The following SSBP2 variants were observed in gnomAD, a reference collection of about 807,000 sequenced individuals.
SSBP2 encodes single-stranded DNA-binding protein 2.
Under a neutral mutation model 61.8 loss-of-function variants are expected in SSBP2, and 17 were observed. The ratio of observed to expected loss-of-function variants is 0.28; its 90% CI spans 0.19 to 0.41. The LOEUF (loss-of-function observed/expected upper bound fraction) is 0.41. Among genes scored for constraint, SSBP2 ranks in the 10% least tolerant of loss-of-function variants. SSBP2 has a pLI of 1.00. For missense variants in SSBP2, 310 were observed against 458.7 expected (o/e 0.68, Z 2.96); for synonymous variants, 139 against 141.3 (o/e 0.98, Z 0.12).
intron 4 of SSBP2, among the ~76,000 whole-genome samples, chr5:81,593,088 T>C (rs770672651): frequency 3.3e-5 from 5 of 151,892 alleles, no homozygotes; most frequent in African/African-American, 1.2e-4. Context: ...AGTTAAAAGC[T>C]TTGAAAAAAA....
At chr5:81,679,507 G>C (rs1425414793) in intron 1 of SSBP2, among the ~76,000 whole-genome samples, 1 of 152,168 alleles carries the variant, frequency 6.6e-6, no homozygotes, top group Non-Finnish European at 1.5e-5. Context: ...TAGTGGTATA[G>C]TGTTATTTGA....
chr5:81,724,917 G>A (rs773193968), intron 1 of SSBP2, among the ~76,000 whole-genome samples: 18 of 152,102 alleles, frequency 1.2e-4, no homozygotes, highest in Non-Finnish European at 2.2e-4. Flanking sequence ...CTCCTATTGA[G>A]TAGGCAAAAT....
intron 6 of SSBP2, among the ~76,000 whole-genome samples, chr5:81,475,611 GTTT>G (rs201081304): frequency 4.0e-5 from 6 of 151,526 alleles, no homozygotes; most frequent in Non-Finnish European, 7.4e-5. Flanking sequence ...ACTTCTTTCA[GTTT>G]TTTTTCCTAT....
chr5:81,583,779 TCAAA>T (rs1305217642), intron 4 of SSBP2, among the ~76,000 whole-genome samples: 2 of 152,182 alleles, frequency 1.3e-5, no homozygotes, highest in African/African-American at 4.8e-5. Flanking sequence ...TTCTTCGCTT[TCAAA>T]CAGAGATGAA....
intron 1 of SSBP2, among the ~76,000 whole-genome samples, chr5:81,654,301 A>G (rs964265425): frequency 6.6e-6 from 1 of 152,130 alleles, no homozygotes; most frequent in Non-Finnish European, 1.5e-5. Flanking sequence ...TCTTAAATTG[A>G]CCACGTCCAA....
chr5:81,564,514 C>A (rs1773284087), intron 4 of SSBP2, among the ~76,000 whole-genome samples: 1 of 152,176 alleles, frequency 6.6e-6, no homozygotes, highest in Non-Finnish European at 1.5e-5. Flanking sequence ...TTCAGAAGAA[C>A]TTTCTCCCAG....
At chr5:81,700,808 C>A (rs1753930806) in intron 1 of SSBP2, among the ~76,000 whole-genome samples, 1 of 152,234 alleles carries the variant, frequency 6.6e-6, no homozygotes, top group South Asian at 2.1e-4. Context: ...TTTTCTTCTG[C>A]AACTTCCTTG....
intron 4 of SSBP2, among the ~76,000 whole-genome samples, chr5:81,575,727 C>A (rs1774166358): frequency 6.6e-6 from 1 of 151,976 alleles, no homozygotes; most frequent in Non-Finnish European, 1.5e-5. Flanking sequence ...GATTATCAGA[C>A]TAGATAAAGC....
intron 1 of SSBP2, among the ~76,000 whole-genome samples, chr5:81,685,186 T>G (rs1461961311): frequency 1.3e-5 from 2 of 152,152 alleles, no homozygotes; most frequent in African/African-American, 4.8e-5. Flanking sequence ...TGCTTCCTGT[T>G]AAGTCTGCAG....
chr5:81,534,175 C>A (rs1037584465), intron 4 of SSBP2, among the ~76,000 whole-genome samples: 2 of 152,084 alleles, frequency 1.3e-5, no homozygotes, highest in African/African-American at 4.8e-5. Context: ...TCCACAGGCA[C>A]AGGCTCACTA....
chr5:81,720,764 C>T (rs139195841), intron 1 of SSBP2, among the ~76,000 whole-genome samples: 89 of 152,202 alleles, frequency 5.8e-4, no homozygotes, highest in African/African-American at 2.0e-3. Flanking sequence ...TGACATCATA[C>T]GGAACAGTAG....
intron 4 of SSBP2, among the ~76,000 whole-genome samples, chr5:81,611,042 G>C (rs928095552): frequency 6.6e-6 from 1 of 152,146 alleles, no homozygotes; most frequent in Non-Finnish European, 1.5e-5. Flanking sequence ...AGTCTTGTGA[G>C]CACAAAATAG....
intron 8 of SSBP2, among the ~76,000 whole-genome samples, chr5:81,472,406 G>A (rs976584185): frequency 5.9e-5 from 9 of 152,040 alleles, no homozygotes; most frequent in Non-Finnish European, 1.3e-4. Context: ...AACATCTGAT[G>A]TATACTGATA....
chr5:81,432,574 T>C (rs1044685966), intron 15 of SSBP2, among the ~76,000 whole-genome samples: 5 of 151,320 alleles, frequency 3.3e-5, no homozygotes, highest in East Asian at 1.9e-4. Context: ...GTGAAACCCC[T>C]GTCTCTACTA....
chr5:81,677,333 C>A (rs682481), intron 1 of SSBP2, among the ~76,000 whole-genome samples: 57,209 of 151,912 alleles, frequency 0.38, 11,158 homozygotes, highest in Middle Eastern at 0.58. Flanking sequence ...GGTCACAGGG[C>A]AAACCACTGC....
chr5:81,520,158 T>A (rs777308013), intron 4 of SSBP2, among the ~76,000 whole-genome samples: 9 of 152,058 alleles, frequency 5.9e-5, no homozygotes, highest in Non-Finnish European at 1.3e-4. Context: ...CTATTTTTTG[T>A]ATTTTTAGTA....
chr5:81,704,664 C>G (rs1163570452), intron 1 of SSBP2, among the ~76,000 whole-genome samples: 1 of 151,682 alleles, frequency 6.6e-6, no homozygotes, highest in African/African-American at 2.4e-5. Flanking sequence ...GGCGTAGTGG[C>G]GCGCACCTTT....
chr5:81,701,663 T>C (rs929288892), intron 1 of SSBP2, among the ~76,000 whole-genome samples: 3 of 152,204 alleles, frequency 2.0e-5, no homozygotes, highest in African/African-American at 7.2e-5. Context: ...ATAAGGCCTT[T>C]TATTTTAGTT....
Position 81,436,376 on chromosome 5 carries a change from G to GA in SSBP2, c.957+1053dup, listed in dbSNP as rs550272592. Among the ~76,000 whole-genome samples, 798 of 149,252 alleles carry GA rather than the reference G, an allele frequency of 5.3e-3. 2 individuals are homozygous for GA. Among genetic ancestry groups the GA allele is most frequent in the African/African-American group, 0.018 (735 of 40,682 alleles). On this transcript the variant is annotated intron_variant, in intron 15 of 16. Coordinates refer to ENST00000320672, the MANE Select transcript of SSBP2 (RefSeq NM_012446.5). ...CATTATAAATATTTATCTATTTTTAGAAAAAAAAAGACCTTTCTGATTTTT... is the reference window on the plus strand; with the variant it reads ...CATTATAAATATTTATCTATTTTTAGAAAAAAAAAAGACCTTTCTGATTTTT...
Sources: allele counts gnomAD v4.1 joint callset (sites outside exome capture counted in the v4.1 genomes callset), GRCh38; gene constraint gnomAD v4.1.1; transcripts MANE v1.5; gene names NCBI Gene and HGNC (gene_info 2026-07-23, HGNC 2026-07-21).